The following ABCA12 variants were observed in gnomAD, a reference collection of about 807,000 sequenced individuals.
ABCA12 encodes ATP binding cassette subfamily A member 12, also known as glucosylceramide transporter ABCA12.
In ABCA12, 156 loss-of-function variants were observed where a neutral mutation model predicts 293.5. The observed-to-expected ratio is 0.53, with a 90% confidence interval of 0.47 to 0.61. The LOEUF (loss-of-function observed/expected upper bound fraction) is 0.61. ABCA12 is among the 20% of genes least tolerant of loss of function. The pLI, the probability that ABCA12 is intolerant of heterozygous loss-of-function variation, is 0.00. For synonymous variants in ABCA12, 1,063 were observed against 1,108.0 expected (o/e 0.96, Z 0.81); for missense variants, 2,797 against 3,090.2 (o/e 0.91, Z 2.25).
At position 214,958,437 on chromosome 2, in the gene ABCA12, T is replaced by C. The variant is rs777650116; in HGVS notation, c.5957A>G (p.Asp1986Gly). Residue 1986 changes from aspartate (D) to glycine (G), a missense_variant, in exon 41 of 53, where the codon GAT (aspartate) becomes GGT (glycine). This residue lies in a region of ABCA12 where 2,130 missense variants were observed against 2,427.0 expected (regional missense o/e 0.88). Transcript: ENST00000272895. Reference sequence around the variant, plus strand: ...CAAGATAGACAGTGCCACTAAAATATCGATTAAACTGCTGATTCTAGAGTG... The same window carrying C: ...CAAGATAGACAGTGCCACTAAAATACCGATTAAACTGCTGATTCTAGAGTG... ...QEQATISSLIDILVALSILMG... is the reference protein window; with the variant it reads ...QEQATISSLIGILVALSILMG... 6.2e-7 allele frequency: 1 copy of C among 1,613,830 alleles called. No individual in the cohort carries two copies. Among genetic ancestry groups the C allele is most frequent in the Non-Finnish European group, 8.5e-7 (1 of 1,179,840 alleles).
intron 39 of ABCA12, 140 bp downstream of exon 39, chr2:214,966,708 T>G: frequency 1.3e-6 from 1 of 775,174 alleles, no homozygotes; most frequent in Non-Finnish European, 2.3e-6. Flanking sequence ...TAGTTACTAC[T>G]TCTAAACTCC....
intron 11 of ABCA12, among the ~76,000 whole-genome samples, chr2:215,021,275 T>A (rs567535991): frequency 1.4e-4 from 21 of 152,352 alleles, no homozygotes; most frequent in Admixed American, 1.3e-3. Context: ...TTTGGAAGTG[T>A]CTGCACCGTT....
chr2:215,099,004 C>T (rs1281301043), intron 2 of ABCA12, among the ~76,000 whole-genome samples: 2 of 152,174 alleles, frequency 1.3e-5, no homozygotes, highest in Non-Finnish European at 2.9e-5. Context: ...ACAGAATCTT[C>T]GGCACTTTTT....
chr2:214,977,818 C>T (rs1419749301), intron 33 of ABCA12, among the ~76,000 whole-genome samples: 1 of 151,974 alleles, frequency 6.6e-6, no homozygotes, highest in African/African-American at 2.4e-5. Context: ...GACTCAGAGT[C>T]ACGTAGGTTA....
chr2:215,049,899 T>C, intron 5 of ABCA12, 88 bp from the exon 6 acceptor site: 1 of 1,278,122 alleles, frequency 7.8e-7, no homozygotes, highest in Non-Finnish European at 1.1e-6. Flanking sequence ...CTAAGCTGTC[T>C]TCAAAATAGC....
intron 9 of ABCA12, among the ~76,000 whole-genome samples, chr2:215,030,533 G>GGCGGAGCTTGCAGTGAGCCGAGAT (rs1700851480): frequency 6.6e-6 from 1 of 151,686 alleles, no homozygotes; most frequent in Non-Finnish European, 1.5e-5. Context: ...GAAGCCGGGA[G>GGCGGAGCTTGCAGTGAGCCGAGAT]GCGGAGCTTG....
chr2:215,025,925 T>C, intron 10 of ABCA12, 146 bp from the exon 11 acceptor site: 1 of 619,022 alleles, frequency 1.6e-6, no homozygotes. Context: ...TGAATGAAAA[T>C]TTAACCTTTA....
At chr2:215,075,666 A>G (rs1701821069) in intron 2 of ABCA12, 1 of 635,882 alleles carries the variant, frequency 1.6e-6, no homozygotes, top group Non-Finnish European at 2.8e-6. Flanking sequence ...TAAAATGAAG[A>G]TTATGTTTGG....
chr2:214,953,789 C>A lies in ABCA12; in HGVS notation c.6647+65G>T, dbSNP rs562785611. On this transcript the variant is annotated intron_variant, in intron 44 of 52. Transcript: ENST00000272895. ...ATGGAAAAGCTTAGACTATTGACTT[C>A]TTTCTCAATAGGTTGAATTGAGTTC... 1.4e-5 allele frequency: 22 copies of A among 1,576,052 alleles called. No homozygotes were observed. The East Asian group carries it at 4.3e-4, about 31-fold the overall frequency.
At chr2:214,937,081 A>C (rs1698243007) in intron 51 of ABCA12, among the ~76,000 whole-genome samples, 1 of 152,236 alleles carries the variant, frequency 6.6e-6, no homozygotes, top group Non-Finnish European at 1.5e-5. Context: ...AATTAAGATT[A>C]ATAATAAAGC....
chr2:214,981,974 TA>T (rs1220177998), intron 30 of ABCA12, among the ~76,000 whole-genome samples: 1 of 140,784 alleles, frequency 7.1e-6, no homozygotes, highest in African/African-American at 2.7e-5. Context: ...TTATTATTAT[TA>T]TTATTATTAT....
chr2:215,017,819 A>G, intron 14 of ABCA12, 189 bp downstream of exon 14: 1 of 680,790 alleles, frequency 1.5e-6, no homozygotes, highest in Non-Finnish European at 2.4e-6. Context: ...AGGGACACAT[A>G]GTGATAAAAT....
intron 38 of ABCA12, 98 bp from the exon 39 acceptor site, chr2:214,967,051 G>C (rs984665791): frequency 1.0e-6 from 1 of 962,864 alleles, no homozygotes; most frequent in Non-Finnish European, 1.6e-6. Context: ...TAAAATAAGA[G>C]CATCAATTTT....
chr2:215,107,483 G>T (rs1702487028), intron 2 of ABCA12, among the ~76,000 whole-genome samples: 1 of 152,170 alleles, frequency 6.6e-6, no homozygotes, highest in Non-Finnish European at 1.5e-5. Context: ...GGCTCAAAAG[G>T]TTTTCTTCAC....
Position 214,978,588 on chromosome 2 carries a change from T to C in ABCA12, c.4978-122A>G, listed in dbSNP as rs1474327897. On this transcript the variant is annotated intron_variant, in intron 32 of 52. Transcript: ENST00000272895. The stretch of plus-strand genomic sequence containing the variant: ...CTGAGACAAATTTTTCCCGTCTGAC[T>C]TCAAGTGAATATTTCTGTATGTAAA... 1.2e-5 allele frequency: 15 copies of C among 1,255,882 alleles called. No homozygotes were observed. The East Asian group carries it at 3.5e-4, about 30-fold the overall frequency. The allele number at this position is 1,255,882 out of a possible 1,614,324, so 77.8% of individuals were successfully genotyped here. A position where few individuals can be genotyped will look rare whatever the true frequency, so the allele number is the denominator to read the frequency against.
Position 215,012,113 on chromosome 2 carries a change from T to C in ABCA12, c.1979A>G (p.Gln660Arg). The C allele has an allele frequency of 6.2e-7, 1 of 1,614,042 alleles. No individual in the cohort carries two copies. Among genetic ancestry groups the C allele is most frequent in the Non-Finnish European group, 8.5e-7 (1 of 1,179,918 alleles). Reference sequence around the variant, plus strand: ...CTCCATCATCTTTTCTACTGGCTTTTGATCTTTCCTCGGGAAAAACACCTA... The same window carrying C: ...CTCCATCATCTTTTCTACTGGCTTTCGATCTTTCCTCGGGAAAAACACCTA... The part of the protein sequence containing the change: ...TYKVFFPRKD[Q>R]KPVEKMMELF... The change falls in exon 16 of 53, where the codon CAA becomes CGA. Residue 660 changes from glutamine (Q) to arginine (R), a missense_variant. Gln to Arg is a conservative substitution (Grantham distance 43, BLOSUM62 1). Coordinates refer to ENST00000272895, the MANE Select transcript of ABCA12 (RefSeq NM_173076.3).
intron 2 of ABCA12, among the ~76,000 whole-genome samples, chr2:215,064,930 G>T (rs1029565390): frequency 1.3e-5 from 2 of 151,760 alleles, no homozygotes; most frequent in African/African-American, 4.8e-5. Flanking sequence ...GCTATTTTTG[G>T]TCTCTTTAAA....
At chr2:214,986,007 G>C (rs1477395893) in intron 28 of ABCA12, among the ~76,000 whole-genome samples, 1 of 152,214 alleles carries the variant, frequency 6.6e-6, no homozygotes, top group African/African-American at 2.4e-5. Context: ...ATAGCTGGTG[G>C]TTCCTTTGTT....
chr2:215,081,132 A>C (rs981570889), intron 2 of ABCA12, among the ~76,000 whole-genome samples: 3 of 152,164 alleles, frequency 2.0e-5, no homozygotes, highest in Non-Finnish European at 2.9e-5. Context: ...GCTTCAGTTA[A>C]AGTTTATGTC....
Sources: allele counts gnomAD v4.1 joint callset (sites outside exome capture counted in the v4.1 genomes callset), GRCh38; gene constraint gnomAD v4.1.1; regional missense constraint gnomAD v4.1.1; transcripts MANE v1.5; gene names NCBI Gene and HGNC (gene_info 2026-07-23, HGNC 2026-07-21).